The following QSOX2 variants were observed in gnomAD, a reference collection of about 807,000 sequenced individuals.
QSOX2 encodes the protein quiescin sulfhydryl oxidase 2.
QSOX2 carries 46 observed loss-of-function variants against 61.7 expected under a neutral mutation model. That is an observed-to-expected ratio of 0.75 (90% CI 0.59 to 0.95). The LOEUF is 0.95. QSOX2 is among the 40% of genes least tolerant of loss of function. QSOX2 has a pLI of 0.00. For missense variants in QSOX2, 879 were observed against 918.9 expected (o/e 0.96, Z 0.56); for synonymous variants, 383 against 388.4 (o/e 0.99, Z 0.16).
chr9:136,211,433 C>T lies in QSOX2; in HGVS notation c.1380G>A (p.Gln460=). The T allele has an allele frequency of 3.1e-6, 5 of 1,613,930 alleles. No individual in the cohort carries two copies. The highest frequency in any genetic ancestry group is 4.2e-6 in the Non-Finnish European group (5 of 1,179,860). ...ACCTCCTCATTGTCTGCAGCACAGC[C>T]TGGGGGTCGTCTTCAAAGCCTGCAG... ...LVGTGFEDDP[Q]AVLQTMRRYV... The change falls in exon 11 of 12, where the codon CAG becomes CAA. Residue 460 remains glutamine (Q), a synonymous_variant. Transcript: ENST00000358701.
chr9:136,211,474 T>C (rs762242025), intron 10 of QSOX2, 22 bp from the exon 11 acceptor site: 2 of 1,609,424 alleles, frequency 1.2e-6, no homozygotes, highest in African/African-American at 2.7e-5. Flanking sequence ...GAAACACTGC[T>C]GACAACGGCA....
rs532081660 is a variant in QSOX2 at position 136,219,581 on chromosome 9, G to A, written c.822-417C>T. ...CTGGAAGTCGGGGCCTGGGGTGGAC[G>A]TCAGCCCCTCCCTGATGTCAGGCCC... is the stretch of plus-strand genomic sequence containing the variant. On this transcript the variant is annotated intron_variant, in intron 6 of 11. Transcript: ENST00000358701. Among the ~76,000 whole-genome samples the A allele has an allele frequency of 5.2e-3, 789 of 152,254 alleles. 13 individuals are homozygous for A. The highest frequency in any genetic ancestry group is 3.5e-3 in the Non-Finnish European group (238 of 68,012).
intron 1 of QSOX2, among the ~76,000 whole-genome samples, chr9:136,243,122 C>A (rs570748543): frequency 3.1e-4 from 47 of 152,300 alleles, no homozygotes; most frequent in Admixed American, 3.1e-3. Flanking sequence ...CAGCCTGACT[C>A]GGGTACAGCA....
chr9:136,218,935 T>G, intron 7 of QSOX2, 95 bp downstream of exon 7: 2 of 1,573,204 alleles, frequency 1.3e-6, no homozygotes, highest in Admixed American at 3.5e-5. Flanking sequence ...CCTCACTGGC[T>G]GGGGTGGGTT....
intron 1 of QSOX2, among the ~76,000 whole-genome samples, chr9:136,235,250 C>T (rs550880934): frequency 2.0e-5 from 3 of 152,236 alleles, no homozygotes; most frequent in Admixed American, 1.3e-4. Flanking sequence ...CACAGCACAC[C>T]CCCCGGAGGA....
In QSOX2 at chr9:136,223,737, A is replaced by C. The variant is rs746305657; in HGVS notation, c.675+26T>G. The C allele has an allele frequency of 6.3e-7, 1 of 1,594,370 alleles. No homozygotes were observed. Among genetic ancestry groups the C allele is most frequent in the Non-Finnish European group, 8.6e-7 (1 of 1,163,818 alleles). On this transcript the variant is annotated intron_variant, in intron 5 of 11. Coordinates refer to ENST00000358701, the MANE Select transcript of QSOX2 (RefSeq NM_181701.4). This position sits in a 1 kb window ranked among gnomAD's most constrained non-coding sequence, Gnocchi z 4.4. Reference sequence around the variant, plus strand: ...CAACCCCAATCACACCACGTGTGACACCTGGAGCCCACGCAGAGGCCGTAC... The same window carrying C: ...CAACCCCAATCACACCACGTGTGACCCCTGGAGCCCACGCAGAGGCCGTAC...
At chr9:136,214,009 T>C (rs990414047) in intron 10 of QSOX2, among the ~76,000 whole-genome samples, 2 of 152,246 alleles carry the variant, frequency 1.3e-5, no homozygotes, top group Non-Finnish European at 2.9e-5. Context: ...TAGGTTAGTT[T>C]GTTATGTGGC....
intron 9 of QSOX2, among the ~76,000 whole-genome samples, chr9:136,215,789 T>C (rs1320282585): frequency 1.3e-5 from 2 of 152,188 alleles, no homozygotes; most frequent in African/African-American, 2.4e-5. Context: ...CCCAGGCAGA[T>C]TCCGCTGGGT....
chr9:136,214,576 C>T (rs549210911), intron 10 of QSOX2, among the ~76,000 whole-genome samples: 1 of 152,322 alleles, frequency 6.6e-6, no homozygotes, highest in Non-Finnish European at 1.5e-5. Context: ...AGGAGGCAGG[C>T]CCTGCTCTCT....
intron 3 of QSOX2, 21 bp downstream of exon 3, chr9:136,224,840 A>C (rs1419180289): frequency 1.3e-6 from 2 of 1,549,076 alleles, no homozygotes; most frequent in South Asian, 1.1e-5. Context: ...AGGGACTAAA[A>C]TACAATGCTT....
At chr9:136,235,867 C>A (rs1185705895) in intron 1 of QSOX2, among the ~76,000 whole-genome samples, 1 of 152,230 alleles carries the variant, frequency 6.6e-6, no homozygotes, top group Non-Finnish European at 1.5e-5. Context: ...CGGCTCAGCA[C>A]CTGCAGGCAC....
rs751524653 is a variant in QSOX2 at position 136,221,788 on chromosome 9, G to A, written c.821+8C>T. The A allele has an allele frequency of 8.2e-6, 13 of 1,588,418 alleles. No individual in the cohort carries two copies. Among genetic ancestry groups the A allele is most frequent in the Middle Eastern group, 1.7e-4 (1 of 5,952 alleles). ...CACGGAGTTCCCAGACCCCACCCGG[G>A]CACTCACACGTTAATCAATCCATGC... On this transcript the variant is annotated splice_region_variant and intron_variant, in intron 6 of 11. Transcript: ENST00000358701. This position sits in a 1 kb window ranked among gnomAD's most constrained non-coding sequence, Gnocchi z 4.5.
intron 1 of QSOX2, among the ~76,000 whole-genome samples, chr9:136,238,079 C>T (rs1014541414): frequency 6.6e-6 from 1 of 152,232 alleles, no homozygotes; most frequent in Non-Finnish European, 1.5e-5. Flanking sequence ...CAGCAGTGAA[C>T]AGCAGGATAA....
In QSOX2 at chr9:136,208,673, C is replaced by T. The variant is rs11550932; in HGVS notation, c.*55G>A. The T allele has an allele frequency of 3.2e-3, 4,810 of 1,514,916 alleles. 128 individuals carry two copies. The African/African-American group carries it at 0.06, about 19-fold the overall frequency. 93.8% of individuals were successfully genotyped at this position (1,514,916 alleles called of 1,614,324 possible). ...ATAAATATTAAAGCTGCAGGTGGCA[C>T]GGGGCAGGGCTGCCTCCAAGGGAGC... is the stretch of plus-strand genomic sequence containing the variant. On this transcript the variant is annotated 3_prime_UTR_variant, in exon 12 of 12. Transcript: ENST00000358701.
In QSOX2 at chr9:136,208,050, C is replaced by T. The variant is rs1302473945; in HGVS notation, c.*678G>A. ...AGCACAGCCACAGAATTCCTTGGCT[C>T]CTCCCCTGTTGAAATCCCCACGTCT... On this transcript the variant is annotated 3_prime_UTR_variant, in exon 12 of 12. Transcript: ENST00000358701. 1 of 152,112 alleles carries T rather than the reference C, an allele frequency of 6.6e-6. No homozygotes were observed. Among genetic ancestry groups the T allele is most frequent in the Non-Finnish European group, 1.5e-5 (1 of 68,046 alleles). The allele number at this position is 152,112 out of a possible 1,614,324, so 9.4% of individuals were successfully genotyped here.
chr9:136,241,768 A>G (rs897228736), intron 1 of QSOX2, among the ~76,000 whole-genome samples: 18 of 152,186 alleles, frequency 1.2e-4, no homozygotes, highest in Non-Finnish European at 8.8e-5. Context: ...TCTACAACAT[A>G]AGCGTTCCCG....
rs1190300758 is a variant in QSOX2, at chr9:136,224,888, C to T, written c.451G>A (p.Glu151Lys). 5.0e-6 allele frequency: 8 copies of T among 1,604,608 alleles called. No homozygotes were observed. The highest frequency in any genetic ancestry group is 1.3e-5 in the African/African-American group (1 of 74,512). ...TFRYFKAFTKEFTTGENFKGP... is the reference protein window; with the variant it reads ...TFRYFKAFTKKFTTGENFKGP... The stretch of plus-strand genomic sequence containing the variant: ...TTAAAATTTTCTCCAGTTGTAAACT[C>T]CTTTGTAAATGCTTTAAAATACTAA... Residue 151 changes from glutamate (E) to lysine (K), a missense_variant, in exon 3 of 12, where the codon GAG becomes AAG. Coordinates refer to ENST00000358701, the MANE Select transcript of QSOX2 (RefSeq NM_181701.4).
chr9:136,208,621 G>A lies in QSOX2; in HGVS notation c.*107C>T. ...AAGGTGCCATCCGATGTGAAACCAG[G>A]CCCGCATGTTTATAAAATCCCTGAT... On this transcript the variant is annotated 3_prime_UTR_variant, in exon 12 of 12. Coordinates refer to ENST00000358701, the MANE Select transcript of QSOX2 (RefSeq NM_181701.4). 1.5e-6 allele frequency: 2 copies of A among 1,330,788 alleles called. No homozygotes were observed. The highest frequency in any genetic ancestry group is 1.0e-6 in the Non-Finnish European group (1 of 994,492). 82.4% of individuals were successfully genotyped at this position (1,330,788 alleles called of 1,614,324 possible).
intron 10 of QSOX2, among the ~76,000 whole-genome samples, chr9:136,213,574 C>T (rs529324099): frequency 1.1e-4 from 17 of 151,558 alleles, no homozygotes; most frequent in African/African-American, 3.6e-4. Flanking sequence ...CTCCCCCAAC[C>T]AGACCCCCGA....
Sources: gnomAD v4.1 joint callset for allele counts (sites outside exome capture counted in the v4.1 genomes callset) on GRCh38, gnomAD v4.1.1 for gene constraint, Gnocchi (gnomAD v3.1) non-coding constraint, MANE v1.5 for transcripts, NCBI Gene and HGNC (gene_info 2026-07-23, HGNC 2026-07-21) for gene names.